Variants in SLC44A5 observed in about 807,000 individuals in gnomAD.
The protein encoded by SLC44A5 is solute carrier family 44 member 5.
SLC44A5 carries 57 observed loss-of-function variants against 101.8 expected under a neutral mutation model. The observed-to-expected ratio is 0.56, with a 90% CI of 0.45 to 0.70. SLC44A5 has a LOEUF of 0.70. Among genes scored for constraint, SLC44A5 ranks in the 30% least tolerant of loss-of-function variants. The pLI is 0.00. For missense variants in SLC44A5, 737 were observed against 853.1 expected, an observed-to-expected ratio of 0.86 and a Z score of 1.70; for synonymous variants, 281 against 290.9, an observed-to-expected ratio of 0.97 and a Z score of 0.35.
chr1:75,345,200 C>A (rs974015034), intron 3 of SLC44A5, among the ~76,000 whole-genome samples: 5 of 151,964 alleles, frequency 3.3e-5, no homozygotes, highest in African/African-American at 9.7e-5. Context: ...CCCTTATCAC[C>A]AACACTAATT....
At chr1:75,709,756 T>A in the SLC44A5 span, among the ~76,000 whole-genome samples, 1 of 152,344 alleles carries the variant, frequency 6.6e-6, no homozygotes, top group Admixed American at 6.5e-5. Flanking sequence ...GTTTTTTTTC[T>A]CAAAAATCAG....
the SLC44A5 span, among the ~76,000 whole-genome samples, chr1:75,720,660 G>A: frequency 1.3e-5 from 2 of 152,190 alleles, no homozygotes; most frequent in African/African-American, 4.8e-5. Context: ...AATATTTGAA[G>A]AGATTTATTC....
intron 2 of SLC44A5, among the ~76,000 whole-genome samples, chr1:75,518,345 T>C (rs1434308598): frequency 6.6e-6 from 1 of 152,220 alleles, no homozygotes; most frequent in African/African-American, 2.4e-5. Flanking sequence ...AATAGGCATA[T>C]ATTGAATAAT....
chr1:75,400,111 T>A (rs972415368), intron 2 of SLC44A5, among the ~76,000 whole-genome samples: 1 of 152,128 alleles, frequency 6.6e-6, no homozygotes, highest in African/African-American at 2.4e-5. Context: ...ATTTTCTCAC[T>A]TACAAGTGGG....
chr1:75,569,917 A>C (rs1672985109), intron 1 of SLC44A5, among the ~76,000 whole-genome samples: 1 of 152,210 alleles, frequency 6.6e-6, no homozygotes, highest in Admixed American at 6.5e-5. Context: ...TGAGATATGA[A>C]ATGCAGGAGA....
the SLC44A5 span, among the ~76,000 whole-genome samples, chr1:75,671,588 C>T: frequency 2.6e-5 from 4 of 152,138 alleles, no homozygotes; most frequent in Non-Finnish European, 5.9e-5. Flanking sequence ...AGTTCAATAT[C>T]TCCAGCAACT....
At chr1:75,300,034 AAAAAAAAT>A (rs1288933806) in intron 5 of SLC44A5, among the ~76,000 whole-genome samples, 8 of 124,804 alleles carry the variant, frequency 6.4e-5, no homozygotes, top group African/African-American at 2.2e-4. Flanking sequence ...AAAAAAAAAA[AAAAAAAAT>A]TTCAAATAAA....
At chr1:75,302,093 C>A (rs1570617565) in intron 4 of SLC44A5, among the ~76,000 whole-genome samples, 1 of 121,732 alleles carries the variant, frequency 8.2e-6, no homozygotes. Flanking sequence ...GAGAAGAAAG[C>A]AGGTGCTCTA....
chr1:75,435,537 C>A (rs368066864), intron 2 of SLC44A5, among the ~76,000 whole-genome samples: 1 of 152,050 alleles, frequency 6.6e-6, no homozygotes, highest in African/African-American at 2.4e-5. Flanking sequence ...TTCTCCACAC[C>A]TCATATAATG....
intron 2 of SLC44A5, among the ~76,000 whole-genome samples, chr1:75,503,084 G>A (rs1247645865): frequency 3.3e-5 from 5 of 152,088 alleles, no homozygotes; most frequent in Non-Finnish European, 5.9e-5. Context: ...TGTTTTATTC[G>A]AAGTAATACA....
the SLC44A5 span, among the ~76,000 whole-genome samples, chr1:75,668,186 C>T: frequency 6.6e-6 from 1 of 151,948 alleles, no homozygotes; most frequent in African/African-American, 2.4e-5. Flanking sequence ...TATATCACTC[C>T]AGGTATAAGA....
intron 9 of SLC44A5, among the ~76,000 whole-genome samples, chr1:75,239,658 C>G (rs1263672242): frequency 6.6e-6 from 1 of 151,986 alleles, no homozygotes; most frequent in Non-Finnish European, 1.5e-5. Context: ...GACACAGTAG[C>G]CTTTACCAGC....
At chr1:75,493,381 G>A (rs1461015604) in intron 2 of SLC44A5, among the ~76,000 whole-genome samples, 1 of 152,286 alleles carries the variant, frequency 6.6e-6, no homozygotes, top group East Asian at 1.9e-4. Context: ...TTATATACCA[G>A]TGAATACATG....
chr1:75,261,897 T>A (rs925250685), intron 6 of SLC44A5, among the ~76,000 whole-genome samples: 1 of 152,076 alleles, frequency 6.6e-6, no homozygotes, highest in Non-Finnish European at 1.5e-5. Flanking sequence ...AAAAACCACA[T>A]GATTATCTCA....
chr1:75,271,337 G>C (rs1174972452), intron 6 of SLC44A5, among the ~76,000 whole-genome samples: 1 of 151,620 alleles, frequency 6.6e-6, no homozygotes, highest in Non-Finnish European at 1.5e-5. Context: ...GATGATTTTT[G>C]GTTCCATGGA....
intron 1 of SLC44A5, among the ~76,000 whole-genome samples, chr1:75,583,251 A>G (rs1191292649): frequency 6.6e-6 from 1 of 152,144 alleles, no homozygotes; most frequent in Non-Finnish European, 1.5e-5. Flanking sequence ...GATGGCAGGG[A>G]TCAAAAAAGG....
the SLC44A5 span, among the ~76,000 whole-genome samples, chr1:75,616,931 AC>A: frequency 6.6e-6 from 1 of 152,148 alleles, no homozygotes; most frequent in East Asian, 1.9e-4. Context: ...TACAGTGGCC[AC>A]GTTCTTTCTC....
the SLC44A5 span, among the ~76,000 whole-genome samples, chr1:75,624,403 A>C: frequency 1.3e-5 from 2 of 152,160 alleles, no homozygotes; most frequent in Non-Finnish European, 2.9e-5. Context: ...TGGGAACATG[A>C]TATGCATATG....
At chr1:75,468,732 A>T (rs1345095718) in intron 2 of SLC44A5, among the ~76,000 whole-genome samples, 1 of 152,182 alleles carries the variant, frequency 6.6e-6, no homozygotes, top group East Asian at 1.9e-4. Context: ...AAAAAATAGA[A>T]AGAATGAATT....
Sources: allele counts gnomAD v4.1 joint callset (sites outside exome capture counted in the v4.1 genomes callset), GRCh38; gene constraint gnomAD v4.1.1; transcripts MANE v1.5; gene names NCBI Gene and HGNC (gene_info 2026-07-23, HGNC 2026-07-21).